The following LDLRAD3 variants were observed in gnomAD, a reference collection of about 807,000 sequenced individuals.
LDLRAD3 encodes the protein low density lipoprotein receptor class A domain containing 3.
A neutral mutation model predicts 29.4 loss-of-function variants in LDLRAD3; 20 were observed. The ratio of observed to expected loss-of-function variants is 0.68; its 90% CI spans 0.48 to 0.99. The LOEUF is 0.99. Ranked by LOEUF, LDLRAD3 falls within the 50% of genes least tolerant of loss-of-function variation. The probability of loss-of-function intolerance (pLI) is 0.00; values close to 1 mark genes in which losing one functional copy is unlikely to be tolerated. For synonymous variants in LDLRAD3, 157 were observed against 192.7 expected, an observed-to-expected ratio of 0.81 and a Z score of 1.53; for missense variants, 420 against 454.3, an observed-to-expected ratio of 0.92 and a Z score of 0.69.
intron 4 of LDLRAD3, among the ~76,000 whole-genome samples, chr11:36,118,702 C>T (rs1049284896): frequency 1.3e-5 from 2 of 151,706 alleles, no homozygotes; most frequent in African/African-American, 4.8e-5. Context: ...ATTAATATAC[C>T]ATATTAATTC....
chr11:36,028,936 A>G (rs554410691), intron 1 of LDLRAD3, among the ~76,000 whole-genome samples: 1 of 152,232 alleles, frequency 6.6e-6, no homozygotes, highest in Admixed American at 6.5e-5. Context: ...TCATAGGGCA[A>G]TTGTAAGGAG....
rs369459863 is a variant in LDLRAD3, at chr11:36,205,787, T to C, written c.455-21298T>C. On this transcript the variant is annotated intron_variant, in intron 4 of 5. Coordinates refer to ENST00000315571, the MANE Select transcript of LDLRAD3 (RefSeq NM_174902.4). ...TCATTTGTGTGTTCAATTAGTGCAA[T>C]TGGACATAGATACTGTTACAAGAGG... Among the ~76,000 whole-genome samples the C allele has an allele frequency of 3.7e-4, 57 of 152,298 alleles. No homozygotes were observed. In the South Asian group the frequency reaches 0.011, roughly 29 times the overall value.
chr11:36,115,082 C>G (rs1242254126), intron 4 of LDLRAD3, among the ~76,000 whole-genome samples: 1 of 152,176 alleles, frequency 6.6e-6, no homozygotes, highest in Admixed American at 6.5e-5. Context: ...ATGTGGTGCC[C>G]TGAGACTGCC....
chr11:35,966,444 T>G (rs1449920236), intron 1 of LDLRAD3, among the ~76,000 whole-genome samples: 1 of 152,036 alleles, frequency 6.6e-6, no homozygotes, highest in Non-Finnish European at 1.5e-5. Context: ...AAAGCAAAAA[T>G]GCAGTATTCT....
intron 1 of LDLRAD3, chr11:35,968,083 A>T (rs1000204952): frequency 2.2e-6 from 1 of 454,346 alleles, no homozygotes; most frequent in African/African-American, 2.0e-5. Context: ...TTTTTATAGT[A>T]GGAAGCCATG....
chr11:36,123,020 A>G (rs986429116), intron 4 of LDLRAD3, among the ~76,000 whole-genome samples: 2 of 152,050 alleles, frequency 1.3e-5, no homozygotes, highest in Admixed American at 6.6e-5. Context: ...TACAACAACA[A>G]CAACAAAAAT....
intron 2 of LDLRAD3, among the ~76,000 whole-genome samples, chr11:36,064,393 T>G (rs1852756449): frequency 6.6e-6 from 1 of 152,138 alleles, no homozygotes; most frequent in Admixed American, 6.5e-5. Context: ...CACTGCAGCC[T>G]TGACCTCCCA....
chr11:36,068,045 T>C (rs1429919853), intron 2 of LDLRAD3, among the ~76,000 whole-genome samples: 1 of 152,168 alleles, frequency 6.6e-6, no homozygotes, highest in East Asian at 1.9e-4. Context: ...CATCTGCTTA[T>C]TGTCTCTTTT....
intron 4 of LDLRAD3, among the ~76,000 whole-genome samples, chr11:36,115,237 C>G (rs565266747): frequency 1.3e-5 from 2 of 152,328 alleles, no homozygotes; most frequent in South Asian, 4.1e-4. Flanking sequence ...CTTGTGAGAC[C>G]TGGAACCAAA....
chr11:36,227,540 G>A lies in LDLRAD3; in HGVS notation c.800+110G>A, dbSNP rs1040191396. On this transcript the variant is annotated intron_variant, in intron 5 of 5. Coordinates refer to ENST00000315571, the MANE Select transcript of LDLRAD3 (RefSeq NM_174902.4). ...TCTTGCCAAGAGCCTGGCTTCAGCT[G>A]CTATAGGCAGTGGCAGCATCTGACA... The A allele has an allele frequency of 4.7e-5, 37 of 783,794 alleles. No homozygotes were observed. The East Asian group carries it at 9.7e-4, about 21-fold the overall frequency. The allele number at this position is 783,794 out of a possible 1,614,324, so 48.6% of individuals were successfully genotyped here.
chr11:36,030,662 C>A (rs262440), intron 1 of LDLRAD3, among the ~76,000 whole-genome samples: 77,204 of 152,006 alleles, frequency 0.51, 19,997 homozygotes, highest in Admixed American at 0.58. Flanking sequence ...GTATGGGTGT[C>A]TGTCTTGCTT....
At chr11:36,228,605 G>C (rs779186987) in intron 5 of LDLRAD3, among the ~76,000 whole-genome samples, 3 of 152,250 alleles carry the variant, frequency 2.0e-5, no homozygotes, top group Middle Eastern at 6.3e-3. Context: ...ATGGCAAAGT[G>C]CCTGGCTCAT....
At chr11:36,087,057 T>TGACCCTCAA (rs2133262458) in intron 3 of LDLRAD3, among the ~76,000 whole-genome samples, 1 of 152,168 alleles carries the variant, frequency 6.6e-6, no homozygotes, top group East Asian at 1.9e-4. Context: ...AATATGTTAA[T>TGACCCTCAA]GACCCCACAG....
chr11:36,145,367 G>T (rs1295940640), intron 4 of LDLRAD3, among the ~76,000 whole-genome samples: 1 of 91,574 alleles, frequency 1.1e-5, no homozygotes, highest in African/African-American at 5.3e-5. Context: ...CAGCCGCCCC[G>T]TCTGGGAGGG....
At chr11:36,025,223 T>C (rs1852148080) in intron 1 of LDLRAD3, among the ~76,000 whole-genome samples, 1 of 151,866 alleles carries the variant, frequency 6.6e-6, no homozygotes, top group Non-Finnish European at 1.5e-5. Context: ...TTTCATAGGG[T>C]TTTTTTTCCT....
At chr11:36,166,392 AC>A (rs777690580) in intron 4 of LDLRAD3, among the ~76,000 whole-genome samples, 1 of 152,006 alleles carries the variant, frequency 6.6e-6, no homozygotes, top group Non-Finnish European at 1.5e-5. Context: ...GGTGACCTGG[AC>A]TCTGGAGGGT....
intron 1 of LDLRAD3, among the ~76,000 whole-genome samples, chr11:35,982,243 C>T (rs759378177): frequency 3.2e-4 from 49 of 152,106 alleles, no homozygotes; most frequent in Non-Finnish European, 6.6e-4. Context: ...CCTAGCTCCC[C>T]GTGGCTTTCT....
chr11:36,157,544 G>C (rs988908950), intron 4 of LDLRAD3, among the ~76,000 whole-genome samples: 1 of 152,214 alleles, frequency 6.6e-6, no homozygotes, highest in Non-Finnish European at 1.5e-5. Context: ...GGTTAGGCCA[G>C]GGAGTTATTT....
chr11:35,959,480 T>C (rs1288728662), intron 1 of LDLRAD3, among the ~76,000 whole-genome samples: 1 of 152,240 alleles, frequency 6.6e-6, no homozygotes, highest in Non-Finnish European at 1.5e-5. Context: ...ACTTGGGTGC[T>C]TTAAAATATA....
Sources: gnomAD v4.1 joint callset for allele counts (sites outside exome capture counted in the v4.1 genomes callset) on GRCh38, gnomAD v4.1.1 for gene constraint, MANE v1.5 for transcripts, NCBI Gene and HGNC (gene_info 2026-07-23, HGNC 2026-07-21) for gene names.